The following CLPB variants were observed in gnomAD, a reference collection of about 807,000 sequenced individuals.
The protein encoded by CLPB is ClpB family mitochondrial disaggregase.
CLPB carries 40 observed loss-of-function variants against 78.4 expected under a neutral mutation model. The ratio of observed to expected loss-of-function variants is 0.51; its 90% CI spans 0.40 to 0.66. The LOEUF (loss-of-function observed/expected upper bound fraction) is 0.66, where lower values mean the gene tolerates loss of function less well. CLPB is among the 30% of genes least tolerant of loss of function. The pLI is 0.00. For synonymous variants in CLPB, 333 were observed against 348.0 expected (o/e 0.96, Z 0.48); for missense variants, 780 against 886.9 (o/e 0.88, Z 1.53).
intron 3 of CLPB, among the ~76,000 whole-genome samples, chr11:72,382,266 T>A (rs1565474946): frequency 6.6e-6 from 1 of 152,002 alleles, no homozygotes; most frequent in Non-Finnish European, 1.5e-5. Context: ...TATACCCACG[T>A]TCCAGGCCAG....
At chr11:72,398,883 G>T in intron 3 of CLPB, among the ~76,000 whole-genome samples, 1 of 152,180 alleles carries the variant, frequency 6.6e-6, no homozygotes, top group East Asian at 1.9e-4. Context: ...CACGGCTACT[G>T]AAGACAATGG....
At chr11:72,397,706 T>G (rs1855450290) in intron 3 of CLPB, among the ~76,000 whole-genome samples, 1 of 152,222 alleles carries the variant, frequency 6.6e-6, no homozygotes, top group African/African-American at 2.4e-5. Context: ...TTTTTTTTAT[T>G]ATTGATTTGT....
chr11:72,346,938 G>C (rs1396073316), intron 5 of CLPB, among the ~76,000 whole-genome samples: 1 of 140,386 alleles, frequency 7.1e-6, no homozygotes, highest in Non-Finnish European at 1.5e-5. Context: ...CCGAGATCAC[G>C]ACATTGCACT....
At chr11:72,420,612 G>A (rs1856166398) in intron 2 of CLPB, among the ~76,000 whole-genome samples, 1 of 152,222 alleles carries the variant, frequency 6.6e-6, no homozygotes, top group South Asian at 2.1e-4. Flanking sequence ...AGTGTTGTGA[G>A]GGAGAGAAGG....
intron 5 of CLPB, chr11:72,357,234 ACGTG>A (rs113841147): frequency 0.14 from 21,810 of 152,252 alleles, 2,245 homozygotes; most frequent in African/African-American, 0.3. Flanking sequence ...TGGCAAGATT[ACGTG>A]CGTGTTCCTG....
At chr11:72,402,919 T>C (rs766428999) in intron 3 of CLPB, 47 bp downstream of exon 3, 6 of 1,523,612 alleles carry the variant, frequency 3.9e-6, no homozygotes, top group South Asian at 1.1e-5. Context: ...GAGCACAGTC[T>C]GCAGAGATCT....
At chr11:72,364,980 A>G (rs979932435) in intron 4 of CLPB, among the ~76,000 whole-genome samples, 2 of 152,354 alleles carry the variant, frequency 1.3e-5, no homozygotes, top group East Asian at 3.9e-4. Flanking sequence ...CAAAGAGCAC[A>G]TGAACAGATG....
intron 12 of CLPB, 46 bp downstream of exon 12, chr11:72,295,446 T>G (rs1949532808): frequency 6.3e-7 from 1 of 1,596,058 alleles, no homozygotes; most frequent in Admixed American, 1.7e-5. Context: ...GGAGATAGGC[T>G]GGTGGCTTGG....
chr11:72,333,641 A>C (rs1337430842), intron 5 of CLPB, among the ~76,000 whole-genome samples: 2 of 152,150 alleles, frequency 1.3e-5, no homozygotes, highest in Non-Finnish European at 1.5e-5. Context: ...GCTCATGGAG[A>C]CAGGAGGTCA....
chr11:72,424,104 G>A (rs147813158), intron 2 of CLPB, among the ~76,000 whole-genome samples: 15 of 152,322 alleles, frequency 9.8e-5, no homozygotes, highest in Non-Finnish European at 1.9e-4. Flanking sequence ...AGTGGCCTTC[G>A]GTGACTAGCT....
rs543746836 is a variant in CLPB at position 72,332,584 on chromosome 11, A to C, written c.776-2780T>G. Among the ~76,000 whole-genome samples the C allele has an allele frequency of 8.5e-5, 13 of 152,350 alleles. No individual in the cohort carries two copies. In the East Asian group the frequency reaches 2.5e-3, roughly 29 times the overall value. ...TCAGTGGTTTAAAATATACCATTCC[A>C]GAACATTTTCACCCTCCTCCAAAAG... On this transcript the variant is annotated intron_variant, in intron 5 of 15. Transcript: ENST00000538039.
intron 3 of CLPB, among the ~76,000 whole-genome samples, chr11:72,400,101 C>A (rs774899843): frequency 3.3e-5 from 5 of 152,144 alleles, no homozygotes; most frequent in Admixed American, 1.3e-4. Context: ...TATTGTCTAT[C>A]CACATCTTTC....
At chr11:72,346,047 G>C (rs752916972) in intron 5 of CLPB, among the ~76,000 whole-genome samples, 12 of 152,204 alleles carry the variant, frequency 7.9e-5, no homozygotes, top group South Asian at 2.1e-4. Context: ...TGAAATGTGT[G>C]AAGACACGAA....
rs144064548 is a variant in CLPB at position 72,396,737 on chromosome 11, T to C, written c.542+6229A>G. On this transcript the variant is annotated intron_variant, in intron 3 of 15. Coordinates refer to ENST00000538039, the MANE Select transcript of CLPB (RefSeq NM_001258392.3). ...CTTCATTCCCTACTAAAAATCAGAATGCATATCACTCTAATGTGAGATATC... is the reference window on the plus strand; with the variant it reads ...CTTCATTCCCTACTAAAAATCAGAACGCATATCACTCTAATGTGAGATATC... Among the ~76,000 whole-genome samples, 690 of 152,312 alleles carry C rather than the reference T, an allele frequency of 4.5e-3. 7 individuals are homozygous for C. Among genetic ancestry groups the C allele is most frequent in the African/African-American group, 0.013 (520 of 41,566 alleles).
In CLPB at chr11:72,294,116, C is replaced by T. The variant is rs1336524652; in HGVS notation, c.1691G>A (p.Arg564Lys). Residue 564 changes from arginine to lysine, a missense_variant, in exon 15 of 16, where the codon AGG becomes AAG. Transcript: ENST00000538039. Reference sequence around the variant, plus strand: ...GTCCCAGAGCAGCGTGATGTTGTGCCTTTGCTTGGCCTGAGATGGGTCAGA... The same window carrying T: ...GTCCCAGAGCAGCGTGATGTTGTGCTTTTGCTTGGCCTGAGATGGGTCAGA... ...LNFWAKRAKQ[R>K]HNITLLWDRE... 4 of 1,613,968 alleles carry T rather than the reference C, an allele frequency of 2.5e-6. No individual in the cohort carries two copies. The highest frequency in any genetic ancestry group is 3.4e-6 in the Non-Finnish European group (4 of 1,179,988).
intron 1 of CLPB, among the ~76,000 whole-genome samples, chr11:72,431,768 G>A (rs989780503): frequency 6.6e-6 from 1 of 152,148 alleles, no homozygotes; most frequent in Non-Finnish European, 1.5e-5. Flanking sequence ...AAGAACCAGG[G>A]CCTCCTGGCT....
At chr11:72,295,441 T>C (rs752924005) in intron 12 of CLPB, 51 bp downstream of exon 12, 20 of 1,592,962 alleles carry the variant, frequency 1.3e-5, no homozygotes, top group South Asian at 4.5e-5. Context: ...CCCCAGGAGA[T>C]AGGCTGGTGG....
At chr11:72,350,506 T>C (rs1950595300) in intron 5 of CLPB, among the ~76,000 whole-genome samples, 1 of 152,256 alleles carries the variant, frequency 6.6e-6, no homozygotes, top group Admixed American at 6.5e-5. Flanking sequence ...AATAATTAGC[T>C]GGTAATTTTG....
intron 2 of CLPB, among the ~76,000 whole-genome samples, chr11:72,411,151 C>T (rs1238510068): frequency 6.6e-6 from 1 of 152,216 alleles, no homozygotes; most frequent in Admixed American, 6.5e-5. Flanking sequence ...CCTGCCATGG[C>T]AGTTGGCACA....
Sources: allele counts gnomAD v4.1 joint callset (sites outside exome capture counted in the v4.1 genomes callset), GRCh38; gene constraint gnomAD v4.1.1; transcripts MANE v1.5; gene names NCBI Gene and HGNC (gene_info 2026-07-23, HGNC 2026-07-21).